The following NLGN1 variants were observed in gnomAD, a reference collection of about 807,000 sequenced individuals.
The protein encoded by NLGN1 is neuroligin-1.
A neutral mutation model predicts 65.5 loss-of-function variants in NLGN1; 12 were observed. The ratio of observed to expected loss-of-function variants is 0.18; its 90% CI spans 0.12 to 0.30. The LOEUF (loss-of-function observed/expected upper bound fraction) is 0.30, where lower values mean the gene tolerates loss of function less well. NLGN1 is among the 10% of genes least tolerant of loss of function. The pLI, the probability that NLGN1 is intolerant of heterozygous loss-of-function variation, is 1.00. For missense variants in NLGN1, 750 were observed against 1,007.1 expected (o/e 0.74, Z 3.46); for synonymous variants, 350 against 359.5 (o/e 0.97, Z 0.30).
At chr3:173,694,906 C>T (rs991529144) in intron 3 of NLGN1, among the ~76,000 whole-genome samples, 13 of 152,150 alleles carry the variant, frequency 8.5e-5, no homozygotes, top group Non-Finnish European at 1.8e-4. Context: ...ACTACCAGCC[C>T]TCCACTGAAG....
chr3:173,624,096 C>CA (rs1754448717), intron 3 of NLGN1, among the ~76,000 whole-genome samples: 1 of 152,090 alleles, frequency 6.6e-6, no homozygotes. Flanking sequence ...GTTCTTGACC[C>CA]AAGGCTTCCT....
intron 4 of NLGN1, among the ~76,000 whole-genome samples, chr3:174,230,810 A>C (rs1740569520): frequency 6.6e-6 from 1 of 152,224 alleles, no homozygotes; most frequent in Non-Finnish European, 1.5e-5. Flanking sequence ...AAATTAAAAA[A>C]TTATAGTACA....
intron 4 of NLGN1, among the ~76,000 whole-genome samples, chr3:174,072,383 C>T (rs1000832310): frequency 1.3e-5 from 2 of 152,066 alleles, no homozygotes; most frequent in Non-Finnish European, 2.9e-5. Context: ...CTAGAGAAAG[C>T]CAACAGAGAA....
Position 174,172,790 on chromosome 3 carries a change from G to T in NLGN1, c.647-102525G>T, listed in dbSNP as rs1456851401. On this transcript the variant is annotated intron_variant, in intron 4 of 6. Transcript: ENST00000457714. ...TGTTCTTTTTGCTTAGAATAGCTTT[G>T]ACTATTCTGGGTCTTTTGAGACTCC... 3.9e-5 allele frequency among the ~76,000 whole-genome samples: 6 copies of T among 151,982 alleles called. No individual in the cohort carries two copies. The South Asian group carries it at 1.0e-3, about 26-fold the overall frequency.
chr3:173,801,015 A>C (rs548900319), intron 3 of NLGN1, among the ~76,000 whole-genome samples: 19 of 152,084 alleles, frequency 1.2e-4, no homozygotes, highest in African/African-American at 4.6e-4. Context: ...CTTTTGATAG[A>C]GTCTGTAGCT....
chr3:174,141,802 G>A (rs1390190750), intron 4 of NLGN1, among the ~76,000 whole-genome samples: 1 of 152,126 alleles, frequency 6.6e-6, no homozygotes, highest in Non-Finnish European at 1.5e-5. Flanking sequence ...TCAGGTAATT[G>A]TAAGTTATGA....
intron 3 of NLGN1, among the ~76,000 whole-genome samples, chr3:173,748,079 CATG>C (rs1013820135): frequency 2.2e-4 from 34 of 151,860 alleles, no homozygotes; most frequent in Non-Finnish European, 4.1e-4. Flanking sequence ...GGACTATAGG[CATG>C]AGCCACCACA....
At chr3:174,268,885 A>T (rs1748797526) in intron 4 of NLGN1, among the ~76,000 whole-genome samples, 1 of 152,034 alleles carries the variant, frequency 6.6e-6, no homozygotes, top group African/African-American at 2.4e-5. Flanking sequence ...TGATAAATAG[A>T]TTCACCAAAA....
intron 2 of NLGN1, among the ~76,000 whole-genome samples, chr3:173,539,167 G>T (rs911107088): frequency 1.3e-5 from 2 of 151,092 alleles, no homozygotes; most frequent in Admixed American, 6.6e-5. Context: ...CTTTCGGGTG[G>T]TGCCTGCTTA....
intron 4 of NLGN1, among the ~76,000 whole-genome samples, chr3:173,926,265 ATCTC>A (rs1742989799): frequency 6.6e-6 from 1 of 152,218 alleles, no homozygotes; most frequent in Non-Finnish European, 1.5e-5. Flanking sequence ...TAAAAGAACT[ATCTC>A]TATTCTGGAA....
In NLGN1 at chr3:174,227,795, C is replaced by T. The variant is rs569986478; in HGVS notation, c.647-47520C>T. On this transcript the variant is annotated intron_variant, in intron 4 of 6. Transcript: ENST00000457714. Reference sequence around the variant, plus strand: ...AATTAATTCAAGTAGATGTATATTTCAAGTACAAATAATGAAGAAAGAAGT... The same window carrying T: ...AATTAATTCAAGTAGATGTATATTTTAAGTACAAATAATGAAGAAAGAAGT... Among the ~76,000 whole-genome samples the T allele has an allele frequency of 2.0e-5, 3 of 151,974 alleles. No homozygotes were observed. In the South Asian group the frequency reaches 6.2e-4, roughly 31 times the overall value.
At chr3:173,766,080 T>C (rs2150234199) in intron 3 of NLGN1, among the ~76,000 whole-genome samples, 1 of 151,674 alleles carries the variant, frequency 6.6e-6, no homozygotes, top group Non-Finnish European at 1.5e-5. Context: ...TTCCTTATTA[T>C]GTTTTGTCTT....
At chr3:173,633,200 A>G (rs1014078842) in intron 3 of NLGN1, among the ~76,000 whole-genome samples, 2 of 152,148 alleles carry the variant, frequency 1.3e-5, no homozygotes, top group East Asian at 1.9e-4. Context: ...TTTTCACATC[A>G]TAATTGAGAT....
intron 4 of NLGN1, among the ~76,000 whole-genome samples, chr3:173,894,722 A>T (rs375937923): frequency 6.8e-6 from 1 of 147,462 alleles, no homozygotes; most frequent in Non-Finnish European, 1.5e-5. Context: ...ACTGCAACCT[A>T]TGCCTCCAGG....
At chr3:173,682,633 T>C (rs1031205158) in intron 3 of NLGN1, among the ~76,000 whole-genome samples, 4 of 144,542 alleles carry the variant, frequency 2.8e-5, no homozygotes, top group African/African-American at 1.0e-4. Flanking sequence ...ACATAAGCCA[T>C]GATTTTCCAT....
intron 4 of NLGN1, among the ~76,000 whole-genome samples, chr3:173,861,007 G>A (rs1035115015): frequency 1.3e-5 from 2 of 152,076 alleles, no homozygotes; most frequent in East Asian, 3.9e-4. Flanking sequence ...ATCTTTTAGT[G>A]AGAAAAGTTT....
chr3:173,791,101 T>C (rs1382370328), intron 3 of NLGN1, among the ~76,000 whole-genome samples: 1 of 152,220 alleles, frequency 6.6e-6, no homozygotes, highest in African/African-American at 2.4e-5. Flanking sequence ...AAACGGTATC[T>C]GCATAGAGTA....
At chr3:173,504,037 A>G (rs1219063426) in intron 2 of NLGN1, among the ~76,000 whole-genome samples, 1 of 152,122 alleles carries the variant, frequency 6.6e-6, no homozygotes, top group East Asian at 1.9e-4. Flanking sequence ...GAGGTTTATA[A>G]TGGCACATAT....
intron 3 of NLGN1, among the ~76,000 whole-genome samples, chr3:173,782,763 A>G (rs1451924640): frequency 3.3e-5 from 5 of 149,998 alleles, no homozygotes; most frequent in African/African-American, 4.9e-5. Context: ...TTTTCAAACT[A>G]TGTCCTCATG....
Sources: allele counts gnomAD v4.1 joint callset (sites outside exome capture counted in the v4.1 genomes callset), GRCh38; gene constraint gnomAD v4.1.1; transcripts MANE v1.5; gene names NCBI Gene and HGNC (gene_info 2026-07-23, HGNC 2026-07-21).